UGT1A6: variants seen among roughly 807,000 people sequenced by gnomAD.
UGT1A6 encodes UDP glucuronosyltransferase family 1 member A6, also known as UDP-glucuronosyltransferase 1A6.
In UGT1A6, 32 loss-of-function variants were observed where a neutral mutation model predicts 44.4. That is an observed-to-expected ratio of 0.72 (90% CI 0.54 to 0.97). The LOEUF is 0.97. Ranked by LOEUF, UGT1A6 falls within the 50% of genes least tolerant of loss-of-function variation. The pLI is 0.00. For synonymous variants in UGT1A6, 238 were observed against 248.5 expected (o/e 0.96, Z 0.40); for missense variants, 685 against 661.9 (o/e 1.03, Z -0.38).
Position 233,693,094 on chromosome 2 carries a change from G to T in UGT1A6, c.90G>T (p.Leu30=). 2 of 1,614,170 alleles carry T rather than the reference G, an allele frequency of 1.2e-6. No individual in the cohort carries two copies. Among genetic ancestry groups the T allele is most frequent in the Non-Finnish European group, 1.7e-6 (2 of 1,180,036 alleles). ...LWGMVVGDKL[L]VVPQDGSHWL... The stretch of plus-strand genomic sequence containing the variant: ...GCATGGTTGTAGGTGACAAGCTGCT[G>T]GTGGTCCCTCAGGACGGAAGCCACT... Residue 30 remains leucine, a synonymous_variant, in exon 1 of 5, where the codon CTG becomes CTT. Transcript: ENST00000305139.
At position 233,769,785 on chromosome 2, in the gene UGT1A6, T is replaced by G; in HGVS notation, c.1301+1346T>G. The G allele has an allele frequency of 7.5e-7, 1 of 1,329,352 alleles. No individual in the cohort carries two copies. Among genetic ancestry groups the G allele is most frequent in the Non-Finnish European group, 9.9e-7 (1 of 1,011,114 alleles). 82.3% of individuals were successfully genotyped at this position (1,329,352 alleles called of 1,614,324 possible). A position where few individuals can be genotyped will look rare whatever the true frequency, so the allele number is the denominator to read the frequency against. Reference sequence around the variant, plus strand: ...CGGGAGGATTGCTTGAGCCCAGAAGTTGGAGGCTGCTATGAGCCGTGATCA... The same window carrying G: ...CGGGAGGATTGCTTGAGCCCAGAAGGTGGAGGCTGCTATGAGCCGTGATCA... On this transcript the variant is annotated intron_variant, in intron 4 of 4. Coordinates refer to ENST00000305139, the MANE Select transcript of UGT1A6 (RefSeq NM_001072.4). The surrounding 1 kb of genome is among the most constrained non-coding windows in gnomAD (Gnocchi z 4.4).
At chr2:233,760,151 C>T (rs1697328839) in intron 1 of UGT1A6, 1 of 1,476,036 alleles carries the variant, frequency 6.8e-7, no homozygotes, top group South Asian at 1.3e-5. Flanking sequence ...AAGTGAACTC[C>T]CTGCTACCTT....
chr2:233,735,442 G>A (rs1187026118), intron 1 of UGT1A6, among the ~76,000 whole-genome samples: 1 of 151,980 alleles, frequency 6.6e-6, no homozygotes, highest in Non-Finnish European at 1.5e-5. Flanking sequence ...ACAGCATACC[G>A]ATGGGCCTTG....
upstream of UGT1A6, chr2:233,691,925 A>G (rs995732624): frequency 2.3e-4 from 35 of 152,536 alleles, no homozygotes; most frequent in African/African-American, 7.9e-4. Context: ...GGTGGGAGCG[A>G]TAAACGTGAA....
At position 233,768,425 on chromosome 2, in the gene UGT1A6, C is replaced by A. The variant is rs1021872145; in HGVS notation, c.1287C>A (p.Val429=). 5.0e-6 allele frequency: 8 copies of A among 1,613,756 alleles called. No individual in the cohort carries two copies. Among genetic ancestry groups the A allele is most frequent in the Non-Finnish European group, 5.9e-6 (7 of 1,179,962 alleles). Residue 429 remains valine, a synonymous_variant, in exon 4 of 5, where the codon GTC becomes GTA. Transcript: ENST00000305139. ...ATTTAGAAAATGCTCTAAAAGCAGTCATCAATGACAAAAGGTAAGAAAGAA... is the reference window on the plus strand; with the variant it reads ...ATTTAGAAAATGCTCTAAAAGCAGTAATCAATGACAAAAGGTAAGAAAGAA... The part of the protein sequence containing the change: ...SEDLENALKA[V]INDKSYKENI...
In UGT1A6 at chr2:233,692,917, G is replaced by A; in HGVS notation, c.-88G>A. On this transcript the variant is annotated 5_prime_UTR_variant, in exon 1 of 5. In the 5' UTR this introduces an upstream ATG that the reference lacks. Transcript: ENST00000305139. ...AGGTAGACAGGACCTGTGAAAAGCAGTGGTTAGTTTAGGGAAAATACCTAG... is the reference window on the plus strand; with the variant it reads ...AGGTAGACAGGACCTGTGAAAAGCAATGGTTAGTTTAGGGAAAATACCTAG... The A allele has an allele frequency of 1.3e-6, 2 of 1,565,222 alleles. No homozygotes were observed. The highest frequency in any genetic ancestry group is 1.9e-5 in the Admixed American group (1 of 52,648).
intron 1 of UGT1A6, among the ~76,000 whole-genome samples, chr2:233,715,527 T>C (rs2076455988): frequency 6.6e-6 from 1 of 152,142 alleles, no homozygotes; most frequent in Admixed American, 6.5e-5. Flanking sequence ...ATTTCAGCCC[T>C]TTGGGAGACC....
rs1263379860 is a variant in UGT1A6 at position 233,724,980 on chromosome 2, C to T, written c.861+31115C>T. 2.1e-5 allele frequency among the ~76,000 whole-genome samples: 3 copies of T among 144,408 alleles called. 1 individual carries two copies. Among genetic ancestry groups the T allele is most frequent in the East Asian group, 2.1e-4 (1 of 4,756 alleles). The allele number at this position is 144,408 out of a possible 152,430, so 94.7% of individuals were successfully genotyped here. Reference sequence around the variant, plus strand: ...GGGAGGCCGAGGTTGGCGGATCACTCGCGGTTAGGGGCTGGAGACCGGCCC... The same window carrying T: ...GGGAGGCCGAGGTTGGCGGATCACTTGCGGTTAGGGGCTGGAGACCGGCCC... On this transcript the variant is annotated intron_variant, in intron 1 of 4. Transcript: ENST00000305139.
chr2:233,754,887 T>G (rs1212362818), intron 1 of UGT1A6: 2 of 1,351,202 alleles, frequency 1.5e-6, no homozygotes, highest in Non-Finnish European at 2.0e-6. Flanking sequence ...TCCCAGGGAG[T>G]TCCTCTGACC....
intron 1 of UGT1A6, among the ~76,000 whole-genome samples, chr2:233,714,844 A>G (rs563954106): frequency 6.6e-6 from 1 of 152,320 alleles, no homozygotes; most frequent in East Asian, 1.9e-4. Flanking sequence ...ATGTTTATAA[A>G]TATTCCATGG....
chr2:233,733,407 C>T (rs906302145), intron 1 of UGT1A6, among the ~76,000 whole-genome samples: 4 of 152,152 alleles, frequency 2.6e-5, no homozygotes, highest in African/African-American at 9.7e-5. Flanking sequence ...GGGAATGCTT[C>T]CAGTTTTCGC....
intron 1 of UGT1A6, among the ~76,000 whole-genome samples, chr2:233,716,781 G>A (rs2076525063): frequency 6.6e-6 from 1 of 152,150 alleles, no homozygotes; most frequent in Admixed American, 6.5e-5. Context: ...TCAGGCTTTC[G>A]GGATGCCTTT....
chr2:233,750,385 TG>T (rs1415350157), intron 1 of UGT1A6, among the ~76,000 whole-genome samples: 2 of 151,950 alleles, frequency 1.3e-5, no homozygotes, highest in Non-Finnish European at 2.9e-5. Flanking sequence ...CATAAAAGTT[TG>T]GAAAATTTGC....
At chr2:233,709,750 T>G (rs1304861881) in intron 1 of UGT1A6, among the ~76,000 whole-genome samples, 1 of 152,206 alleles carries the variant, frequency 6.6e-6, no homozygotes, top group African/African-American at 2.4e-5. Context: ...AAAATAAACA[T>G]TATTGGAGTA....
chr2:233,729,112 G>T, intron 1 of UGT1A6: 1 of 1,612,932 alleles, frequency 6.2e-7, no homozygotes, highest in South Asian at 1.1e-5. Context: ...TCAGCTGTCC[G>T]TGTCTTCTGC....
chr2:233,758,943 A>T (rs1444308221), intron 1 of UGT1A6, among the ~76,000 whole-genome samples: 2 of 152,240 alleles, frequency 1.3e-5, no homozygotes, highest in Non-Finnish European at 2.9e-5. Context: ...CAAATCAGTC[A>T]TCAGAATTTC....
intron 1 of UGT1A6, among the ~76,000 whole-genome samples, chr2:233,737,165 G>A (rs941026420): frequency 6.6e-6 from 1 of 152,234 alleles, no homozygotes; most frequent in African/African-American, 2.4e-5. Flanking sequence ...CCACAGAGGT[G>A]GAGTCTATAG....
intron 1 of UGT1A6, among the ~76,000 whole-genome samples, chr2:233,724,488 CG>C (rs1207122697): frequency 1.4e-5 from 1 of 72,502 alleles, no homozygotes; most frequent in Non-Finnish European, 2.9e-5. Context: ...TCAGACGGGG[CG>C]GCCGGGCAGA....
chr2:233,715,631 G>A (rs1191605021), intron 1 of UGT1A6, among the ~76,000 whole-genome samples: 3 of 151,978 alleles, frequency 2.0e-5, no homozygotes, highest in Non-Finnish European at 4.4e-5. Context: ...AATTATCCAG[G>A]TGTGATGGTG....
Sources: gnomAD v4.1 joint callset for allele counts (sites outside exome capture counted in the v4.1 genomes callset) on GRCh38, gnomAD v4.1.1 for gene constraint, Gnocchi (gnomAD v3.1) non-coding constraint, MANE v1.5 for transcripts, NCBI Gene and HGNC (gene_info 2026-07-23, HGNC 2026-07-21) for gene names.